The following EPM2A variants were observed in gnomAD, a reference collection of about 807,000 sequenced individuals.
The protein encoded by EPM2A is EPM2A glucan phosphatase, laforin.
In EPM2A, 21 loss-of-function variants were observed where a neutral mutation model predicts 26.5. The ratio of observed to expected loss-of-function variants is 0.79; its 90% CI spans 0.56 to 1.14. EPM2A has a LOEUF of 1.14. EPM2A is among the 50% of genes most tolerant of loss of function. EPM2A has a pLI of 0.00. For synonymous variants in EPM2A, 217 were observed against 177.6 expected (o/e 1.22, Z -1.76); for missense variants, 458 against 440.8 (o/e 1.04, Z -0.35).
At chr6:145,401,562 T>G (rs1778491306) in intron 4 of EPM2A, among the ~76,000 whole-genome samples, 1 of 152,108 alleles carries the variant, frequency 6.6e-6, no homozygotes, top group Non-Finnish European at 1.5e-5. Flanking sequence ...TGAACTAATA[T>G]GAGGCTTAAT....
At chr6:145,490,683 C>T (rs117773914) in intron 4 of EPM2A, 7,715 of 599,790 alleles carry the variant, frequency 0.013, 477 homozygotes, top group Admixed American at 0.11. Flanking sequence ...TCATGCGTTC[C>T]TTCAAATGAT....
chr6:145,553,780 T>C (rs1160398935), intron 2 of EPM2A, among the ~76,000 whole-genome samples: 1 of 149,252 alleles, frequency 6.7e-6, no homozygotes, highest in African/African-American at 2.4e-5. Flanking sequence ...TACCCTTTGT[T>C]GCTGACAAAT....
intron 4 of EPM2A, among the ~76,000 whole-genome samples, chr6:145,430,107 G>T (rs1191923265): frequency 1.3e-5 from 2 of 151,896 alleles, no homozygotes; most frequent in South Asian, 2.1e-4. Flanking sequence ...CAGGAGAATC[G>T]CTTGAATTCA....
downstream of EPM2A, among the ~76,000 whole-genome samples, chr6:145,620,393 G>A (rs114277105): frequency 1.6e-3 from 247 of 152,264 alleles, 2 homozygotes; most frequent in African/African-American, 5.8e-3. Context: ...ACTTCCTGCT[G>A]TGTGGCCCGG....
At chr6:145,707,788 A>G (rs1459468504) in intron 1 of EPM2A, among the ~76,000 whole-genome samples, 1 of 152,188 alleles carries the variant, frequency 6.6e-6, no homozygotes, top group Non-Finnish European at 1.5e-5. Context: ...ACAGACTAAT[A>G]TAGTAAATTG....
chr6:145,728,232 A>G lies in EPM2A; in HGVS notation c.301+6966T>C, dbSNP rs117160062. Among the ~76,000 whole-genome samples the G allele has an allele frequency of 4.1e-3, 622 of 152,334 alleles. 16 individuals are homozygous for G. The East Asian group carries it at 0.069, about 17-fold the overall frequency. On this transcript the variant is annotated intron_variant, in intron 1 of 3. Transcript: ENST00000367519. ...CTAATACAGAAAACTGGTTCTGGGAAGAGGTGCATTACTATAAAGATACCT... is the reference window on the plus strand; with the variant it reads ...CTAATACAGAAAACTGGTTCTGGGAGGAGGTGCATTACTATAAAGATACCT...
intron 2 of EPM2A, among the ~76,000 whole-genome samples, chr6:145,662,853 C>T (rs1165657489): frequency 6.6e-6 from 1 of 152,048 alleles, no homozygotes; most frequent in Non-Finnish European, 1.5e-5. Context: ...CTTATATAGG[C>T]CCTTTTACAG....
At chr6:145,406,579 T>C (rs528766060) in intron 4 of EPM2A, among the ~76,000 whole-genome samples, 35 of 152,278 alleles carry the variant, frequency 2.3e-4, no homozygotes, top group Admixed American at 4.6e-4. Context: ...TAATGGTAGC[T>C]ACCAAGTTGT....
At chr6:145,516,790 T>A (rs1181254931) in intron 2 of EPM2A, among the ~76,000 whole-genome samples, 2 of 152,254 alleles carry the variant, frequency 1.3e-5, no homozygotes, top group Middle Eastern at 3.4e-3. Flanking sequence ...CATATGGCAT[T>A]TTCTTAAAAG....
chr6:145,435,889 C>T (rs555746982), intron 4 of EPM2A, among the ~76,000 whole-genome samples: 1 of 152,172 alleles, frequency 6.6e-6, no homozygotes, highest in Non-Finnish European at 1.5e-5. Flanking sequence ...CACACACATA[C>T]ATAGCATCCC....
At chr6:145,563,997 C>T (rs1780845229) in intron 2 of EPM2A, among the ~76,000 whole-genome samples, 1 of 152,080 alleles carries the variant, frequency 6.6e-6, no homozygotes, top group South Asian at 2.1e-4. Context: ...GTAGTATTTG[C>T]ATATAATCTA....
chr6:145,555,048 T>C (rs1252761658), intron 2 of EPM2A, among the ~76,000 whole-genome samples: 2 of 152,094 alleles, frequency 1.3e-5, no homozygotes, highest in Admixed American at 6.6e-5. Flanking sequence ...CATCAACTTA[T>C]CACCATAGCC....
intron 2 of EPM2A, among the ~76,000 whole-genome samples, chr6:145,619,508 C>T (rs1228648154): frequency 6.6e-6 from 1 of 152,158 alleles, no homozygotes; most frequent in Non-Finnish European, 1.5e-5. Flanking sequence ...CTCAGAATAC[C>T]TTATGAGGGG....
intron 2 of EPM2A, among the ~76,000 whole-genome samples, chr6:145,553,161 C>T (rs1226296622): frequency 6.6e-6 from 1 of 152,082 alleles, no homozygotes; most frequent in African/African-American, 2.4e-5. Context: ...ATTTCCCCTG[C>T]TTGCACTCAT....
intron 2 of EPM2A, among the ~76,000 whole-genome samples, chr6:145,655,257 G>A (rs1376177506): frequency 6.6e-6 from 1 of 151,374 alleles, no homozygotes; most frequent in Non-Finnish European, 1.5e-5. Context: ...ATCTATTTAA[G>A]TGCCCAAATG....
intron 4 of EPM2A, among the ~76,000 whole-genome samples, chr6:145,405,319 C>G (rs1235584916): frequency 6.6e-6 from 1 of 152,126 alleles, no homozygotes; most frequent in Admixed American, 6.6e-5. Flanking sequence ...CTGATGACAA[C>G]TAGTCTTCTT....
At chr6:145,404,458 AC>A (rs1394866566) in intron 4 of EPM2A, among the ~76,000 whole-genome samples, 1 of 144,628 alleles carries the variant, frequency 6.9e-6, no homozygotes, top group East Asian at 2.0e-4. Context: ...AGCTTTTTTT[AC>A]CTTTTGAGGG....
At chr6:145,420,653 G>A (rs961875452) in intron 4 of EPM2A, among the ~76,000 whole-genome samples, 6 of 152,132 alleles carry the variant, frequency 3.9e-5, no homozygotes, top group Admixed American at 3.3e-4. Context: ...TATAATTTAT[G>A]GTACTAATTA....
intron 2 of EPM2A, among the ~76,000 whole-genome samples, chr6:145,647,839 GTGT>G (rs1294170201): frequency 6.6e-6 from 1 of 152,162 alleles, no homozygotes; most frequent in Non-Finnish European, 1.5e-5. Flanking sequence ...TCACAAAACT[GTGT>G]TGAAGACATT....
Sources: gnomAD v4.1 joint callset for allele counts (sites outside exome capture counted in the v4.1 genomes callset) on GRCh38, gnomAD v4.1.1 for gene constraint, MANE v1.5 for transcripts, NCBI Gene and HGNC (gene_info 2026-07-23, HGNC 2026-07-21) for gene names.